TFE3: variants seen among roughly 807,000 people sequenced by gnomAD.
TFE3 encodes the protein transcription factor E3.
A neutral mutation model predicts 35.0 loss-of-function variants in TFE3; 5 were observed. The observed-to-expected ratio is 0.14, with a 90% CI of 0.07 to 0.30. The LOEUF is 0.30. Among genes scored for constraint, TFE3 ranks in the 10% least tolerant of loss-of-function variants. The pLI is 1.00. For synonymous variants in TFE3, 211 were observed against 215.6 expected (o/e 0.98, Z 0.18); for missense variants, 374 against 496.6 (o/e 0.75, Z 2.35).
rs2064684481 is a variant in TFE3, at chrX:49,029,312, C to T, written c.*846G>A. 2 of 180,297 alleles carry T rather than the reference C, an allele frequency of 1.1e-5. No individual in the cohort carries two copies. The highest frequency in any genetic ancestry group is 5.9e-5 in the African/African-American group (2 of 34,183). 14.9% of individuals were successfully genotyped at this position (180,297 alleles called of 1,213,427 possible). A position where few individuals can be genotyped will look rare whatever the true frequency, so the allele number is the denominator to read the frequency against. ...AAATTTCATAATCTGTCCCCTTCCC[C>T]AAGAGCAAGGTTGGCTCAGAGCCCT... On this transcript the variant is annotated 3_prime_UTR_variant, in exon 10 of 10. Coordinates refer to ENST00000315869, the MANE Select transcript of TFE3 (RefSeq NM_006521.6).
At position 49,032,359 on chromosome X, in the gene TFE3, T is replaced by C. The variant is rs146065189; in HGVS notation, c.1137-815A>G. On this transcript the variant is annotated intron_variant, in intron 8 of 9. Transcript: ENST00000315869. ...AAGCGATTCTCCTGCCTCAGCCTTC[T>C]GAGTAGCTGAGATGACAGGCCTACG... Among the ~76,000 whole-genome samples the C allele has an allele frequency of 9.4e-3, 1,038 of 110,218 alleles. 7 individuals are homozygous for C. Among genetic ancestry groups the C allele is most frequent in the Non-Finnish European group, 0.016 (824 of 52,568 alleles).
intron 2 of TFE3, chrX:49,039,809 G>A (rs2064750698): frequency 7.9e-6 from 1 of 126,202 alleles, no homozygotes; most frequent in South Asian, 3.2e-4. Flanking sequence ...CCCAATGTGA[G>A]GCTAGAGAAG....
intron 5 of TFE3, among the ~76,000 whole-genome samples, chrX:49,036,555 A>G (rs1345191848): frequency 3.6e-5 from 4 of 110,344 alleles, no homozygotes; most frequent in Non-Finnish European, 7.6e-5. Context: ...CTGTAATCCC[A>G]GCACTTTGGG....
chrX:49,031,362 C>G, intron 9 of TFE3, 35 bp downstream of exon 9: 1 of 1,160,656 alleles, frequency 8.6e-7, no homozygotes, highest in South Asian at 2.0e-5. Context: ...GAAGCTCTCC[C>G]CCTCTTCCCC....
intron 2 of TFE3, 136 bp from the exon 3 acceptor site, chrX:49,039,546 A>G: frequency 1.4e-6 from 1 of 703,504 alleles, no homozygotes; most frequent in South Asian, 3.5e-5. Flanking sequence ...ATGTAGAAGC[A>G]GAGACACAGG....
At position 49,043,229 on chromosome X, in the gene TFE3, C is replaced by G; in HGVS notation, c.-3G>C. 6 of 1,150,002 alleles carry G rather than the reference C, an allele frequency of 5.2e-6. No homozygotes were observed. The highest frequency in any genetic ancestry group is 6.9e-6 in the Non-Finnish European group (6 of 865,668). The allele number at this position is 1,150,002 out of a possible 1,213,427, so 94.8% of individuals were successfully genotyped here. On this transcript the variant is annotated 5_prime_UTR_variant, in exon 1 of 10. Transcript: ENST00000315869. ...GCTGGTTCGGCCGCATGAGACATGA[C>G]GCCCGGCCCCGGGCGAGCCCTGCCA... is the stretch of plus-strand genomic sequence containing the variant.
intron 9 of TFE3, among the ~76,000 whole-genome samples, chrX:49,031,009 C>T (rs923815404): frequency 1.8e-5 from 2 of 110,342 alleles, no homozygotes; most frequent in African/African-American, 3.3e-5. Context: ...TGCTTGAACC[C>T]GGGAGGCGGA....
intron 8 of TFE3, 133 bp downstream of exon 8, chrX:49,033,331 AG>A: frequency 1.8e-6 from 1 of 564,217 alleles, no homozygotes; most frequent in Non-Finnish European, 2.8e-6. Flanking sequence ...AACCCTGCTC[AG>A]GCTGAGAAAG....
chrX:49,028,885 T>C lies in TFE3; in HGVS notation c.*1273A>G. The C allele has an allele frequency of 5.8e-6, 1 of 173,577 alleles. No homozygotes were observed. Among genetic ancestry groups the C allele is most frequent in the Non-Finnish European group, 1.1e-5 (1 of 90,473 alleles). 14.3% of individuals were successfully genotyped at this position (173,577 alleles called of 1,213,427 possible). A position where few individuals can be genotyped will look rare whatever the true frequency, so the allele number is the denominator to read the frequency against. On this transcript the variant is annotated 3_prime_UTR_variant, in exon 10 of 10. Coordinates refer to ENST00000315869, the MANE Select transcript of TFE3 (RefSeq NM_006521.6). ...AGGGGTGGGAATGGAGGGGGGAGTG[T>C]CTCTTGATAACTCTGAAATGGGGTG...
chrX:49,043,236 C>A lies in TFE3; in HGVS notation c.-10G>T. On this transcript the variant is annotated 5_prime_UTR_variant, in exon 1 of 10. Coordinates refer to ENST00000315869, the MANE Select transcript of TFE3 (RefSeq NM_006521.6). ...CGGCCGCATGAGACATGACGCCCGGCCCCGGGCGAGCCCTGCCAGGCCGGT... is the reference window on the plus strand; with the variant it reads ...CGGCCGCATGAGACATGACGCCCGGACCCGGGCGAGCCCTGCCAGGCCGGT... The A allele has an allele frequency of 8.8e-7, 1 of 1,140,705 alleles. No homozygotes were observed. Among genetic ancestry groups the A allele is most frequent in the East Asian group, 3.3e-5 (1 of 30,573 alleles). 94.0% of individuals were successfully genotyped at this position (1,140,705 alleles called of 1,213,427 possible). A position where few individuals can be genotyped will look rare whatever the true frequency, so the allele number is the denominator to read the frequency against.
In TFE3 at chrX:49,031,419, C is replaced by A. The variant is rs782811600; in HGVS notation, c.1262G>T (p.Arg421Leu). ...SRQRSLEQAN[R>L]SLQLRIQELE... ...AACCTGAATTCGGAGCTGCAGGCTG[C>A]GGTTGGCCTGCTCCAGGGATCGCTG... Residue 421 changes from arginine (R) to leucine (L), a missense_variant, in exon 9 of 10, where the codon CGC becomes CTC. By Grantham distance (102) the Arg-to-Leu change is moderately radical (BLOSUM62 -2). Coordinates refer to ENST00000315869, the MANE Select transcript of TFE3 (RefSeq NM_006521.6). The A allele has an allele frequency of 8.3e-7, 1 of 1,201,880 alleles. No individual in the cohort carries two copies. The highest frequency in any genetic ancestry group is 1.8e-5 in the South Asian group (1 of 55,579).
At chrX:49,034,022 T>A in intron 6 of TFE3, 112 bp downstream of exon 6, 3 of 705,061 alleles carry the variant, frequency 4.3e-6, no homozygotes, top group Non-Finnish European at 6.6e-6. Context: ...AGCCTCCATT[T>A]CCATATGTCC....
chrX:49,039,419 T>G lies in TFE3; in HGVS notation c.231-9A>C, dbSNP rs73632396. The G allele has an allele frequency of 7.5e-3, 8,758 of 1,162,903 alleles. 443 individuals are homozygous for G. In the African/African-American group the frequency reaches 0.13, roughly 18 times the overall value. The stretch of plus-strand genomic sequence containing the variant: ...GCAGTGATATTGGGAGGCTGTGGAA[T>G]GGGAAATATGGGGCCATATTTTAGG... On this transcript the variant is annotated splice_polypyrimidine_tract_variant and intron_variant, in intron 2 of 9. Transcript: ENST00000315869.
In TFE3 at chrX:49,031,387, C is replaced by T. The variant is rs782794760; in HGVS notation, c.1284+10G>A. ...CCCTCTTCCCCCACCACCATCTCCTCTTTTCAAACCTGAATTCGGAGCTGC... is the reference window on the plus strand; with the variant it reads ...CCCTCTTCCCCCACCACCATCTCCTTTTTTCAAACCTGAATTCGGAGCTGC... On this transcript the variant is annotated intron_variant, in intron 9 of 9. Transcript: ENST00000315869. The T allele has an allele frequency of 5.1e-6, 6 of 1,184,027 alleles. No individual in the cohort carries two copies. The highest frequency in any genetic ancestry group is 1.9e-5 in the South Asian group (1 of 53,133).
chrX:49,035,653 C>T (rs983557500), intron 5 of TFE3, among the ~76,000 whole-genome samples: 5 of 106,920 alleles, frequency 4.7e-5, no homozygotes, highest in Non-Finnish European at 9.6e-5. Context: ...GTGATCTGCC[C>T]GCCTCAGCCT....
At chrX:49,041,626 C>A (rs1557075757) in intron 1 of TFE3, among the ~76,000 whole-genome samples, 1 of 110,885 alleles carries the variant, frequency 9.0e-6, no homozygotes, top group Non-Finnish European at 1.9e-5. Flanking sequence ...ACACACACAC[C>A]CCCAACACTA....
intron 6 of TFE3, 109 bp downstream of exon 6, chrX:49,034,025 A>G (rs1391949711): frequency 8.4e-6 from 6 of 718,195 alleles, no homozygotes; most frequent in Non-Finnish European, 1.3e-5. Flanking sequence ...CTCCATTTCC[A>G]TATGTCCAAA....
At position 49,043,221 on chromosome X, in the gene TFE3, A is replaced by T; in HGVS notation, c.6T>A (p.Ser2=). The T allele has an allele frequency of 8.6e-7, 1 of 1,162,680 alleles. No homozygotes were observed. The highest frequency in any genetic ancestry group is 1.1e-6 in the Non-Finnish European group (1 of 872,898). Residue 2 remains serine (S), a synonymous_variant, in exon 1 of 10, where the codon TCT becomes TCA. Coordinates refer to ENST00000315869, the MANE Select transcript of TFE3 (RefSeq NM_006521.6). ...CATCCCGAGCTGGTTCGGCCGCATG[A>T]GACATGACGCCCGGCCCCGGGCGAG... M[S]HAAEPARDGV...
At chrX:49,033,821 G>T (rs3027471) in intron 6 of TFE3, 39 bp from the exon 7 acceptor site, 139,308 of 1,193,609 alleles carry the variant, frequency 0.12, 5,940 homozygotes, top group South Asian at 0.33. Context: ...CTGAGCACAG[G>T]AAGGCAAGAA....
Sources: allele counts gnomAD v4.1 joint callset (sites outside exome capture counted in the v4.1 genomes callset), GRCh38; gene constraint gnomAD v4.1.1; transcripts MANE v1.5; gene names NCBI Gene and HGNC (gene_info 2026-07-23, HGNC 2026-07-21).